The following SLC44A5 variants were observed in gnomAD, a reference collection of about 807,000 sequenced individuals.
SLC44A5 encodes the protein solute carrier family 44 member 5.
In SLC44A5, 57 loss-of-function variants were observed where a neutral mutation model predicts 101.8. That is an observed-to-expected ratio of 0.56 (90% CI 0.45 to 0.70). The LOEUF is 0.70. Among genes scored for constraint, SLC44A5 ranks in the 30% least tolerant of loss-of-function variants. The probability of loss-of-function intolerance (pLI) is 0.00; values close to 1 mark genes in which losing one functional copy is unlikely to be tolerated. For missense variants in SLC44A5, 737 were observed against 853.1 expected, an observed-to-expected ratio of 0.86 and a Z score of 1.70; for synonymous variants, 281 against 290.9, an observed-to-expected ratio of 0.97 and a Z score of 0.35.
chr1:75,457,020 G>A (rs1036211342), intron 2 of SLC44A5, among the ~76,000 whole-genome samples: 2 of 152,150 alleles, frequency 1.3e-5, no homozygotes, highest in African/African-American at 4.8e-5. Context: ...AAGCCCATGA[G>A]GAAGCACAGA....
At chr1:75,528,886 G>C (rs1254883404) in intron 2 of SLC44A5, among the ~76,000 whole-genome samples, 1 of 151,904 alleles carries the variant, frequency 6.6e-6, no homozygotes, top group African/African-American at 2.4e-5. Context: ...AACTCCTCTT[G>C]GTCTGTCTAT....
At chr1:75,587,608 T>A (rs431959) in intron 1 of SLC44A5, among the ~76,000 whole-genome samples, 145,592 of 152,330 alleles carry the variant, frequency 0.96, 69,607 homozygotes, top group East Asian at 0.97. Context: ...ATAAATTTTT[T>A]TGATTTTCTT....
At chr1:75,445,531 TACGTA>T (rs1203279860) in intron 2 of SLC44A5, among the ~76,000 whole-genome samples, 1 of 148,118 alleles carries the variant, frequency 6.8e-6, no homozygotes, top group African/African-American at 2.5e-5. Context: ...ATGTATATAT[TACGTA>T]ATATATACAT....
intron 3 of SLC44A5, among the ~76,000 whole-genome samples, chr1:75,385,392 C>A (rs1481871087): frequency 4.6e-5 from 7 of 151,906 alleles, no homozygotes; most frequent in Admixed American, 3.3e-4. Context: ...ACCAATCCCA[C>A]AGAAATACAA....
At chr1:75,398,041 G>A (rs1662235075) in intron 2 of SLC44A5, among the ~76,000 whole-genome samples, 1 of 152,110 alleles carries the variant, frequency 6.6e-6, no homozygotes, top group African/African-American at 2.4e-5. Context: ...TCTTAAAATA[G>A]TATGTACGTG....
At chr1:75,327,124 A>G (rs1408916791) in intron 4 of SLC44A5, among the ~76,000 whole-genome samples, 1 of 151,608 alleles carries the variant, frequency 6.6e-6, no homozygotes, top group South Asian at 2.1e-4. Context: ...GCATCCTATG[A>G]TGAATAAACA....
At chr1:75,481,683 T>G (rs1352779218) in intron 2 of SLC44A5, among the ~76,000 whole-genome samples, 2 of 151,980 alleles carry the variant, frequency 1.3e-5, no homozygotes, top group Admixed American at 1.3e-4. Flanking sequence ...ATCAGAGAAA[T>G]GCAAATCAAA....
At chr1:75,723,424 A>G in the SLC44A5 span, among the ~76,000 whole-genome samples, 1 of 152,092 alleles carries the variant, frequency 6.6e-6, no homozygotes, top group Non-Finnish European at 1.5e-5. Context: ...ACAAGGGGGT[A>G]GCTTGCTTGG....
At chr1:75,489,516 G>A (rs1668325416) in intron 2 of SLC44A5, among the ~76,000 whole-genome samples, 1 of 152,176 alleles carries the variant, frequency 6.6e-6, no homozygotes, top group African/African-American at 2.4e-5. Context: ...TTTAAGACAG[G>A]AAATTTTCAG....
chr1:75,298,706 C>T (rs936788460), intron 5 of SLC44A5, among the ~76,000 whole-genome samples: 3 of 151,964 alleles, frequency 2.0e-5, no homozygotes, highest in African/African-American at 7.3e-5. Flanking sequence ...TGTGAAGTTC[C>T]TGTGTGCAGT....
the SLC44A5 span, among the ~76,000 whole-genome samples, chr1:75,648,524 G>T: frequency 2.0e-5 from 3 of 152,064 alleles, no homozygotes; most frequent in Admixed American, 1.3e-4. Context: ...GTATAGGGCA[G>T]GACACTTGGC....
intron 6 of SLC44A5, among the ~76,000 whole-genome samples, chr1:75,271,659 T>C (rs1042588071): frequency 6.6e-6 from 1 of 152,136 alleles, no homozygotes; most frequent in Non-Finnish European, 1.5e-5. Flanking sequence ...TTCCTTTTTA[T>C]GGCTGAGTAG....
the SLC44A5 span, among the ~76,000 whole-genome samples, chr1:75,633,643 A>G: frequency 6.6e-6 from 1 of 151,960 alleles, no homozygotes; most frequent in South Asian, 2.1e-4. Context: ...GGTTTTCTAG[A>G]TATACAATCA....
chr1:75,683,559 GA>G, the SLC44A5 span, among the ~76,000 whole-genome samples: 3 of 151,986 alleles, frequency 2.0e-5, no homozygotes, highest in African/African-American at 7.2e-5. Flanking sequence ...TGAAAAATGA[GA>G]TCACATGGAA....
chr1:75,396,846 G>A (rs1303883099), intron 2 of SLC44A5, among the ~76,000 whole-genome samples: 1 of 152,058 alleles, frequency 6.6e-6, no homozygotes, highest in Non-Finnish European at 1.5e-5. Flanking sequence ...AGGTGCTGGA[G>A]GTAAGAGGTT....
At chr1:75,592,075 G>T (rs1253616469) in intron 1 of SLC44A5, among the ~76,000 whole-genome samples, 1 of 152,072 alleles carries the variant, frequency 6.6e-6, no homozygotes, top group African/African-American at 2.4e-5. Flanking sequence ...AAATTGGAAA[G>T]GAAGAAGTCA....
intron 2 of SLC44A5, among the ~76,000 whole-genome samples, chr1:75,414,929 T>C (rs752809144): frequency 3.9e-5 from 6 of 152,192 alleles, no homozygotes; most frequent in Admixed American, 1.3e-4. Context: ...TGGGAAGCCA[T>C]TGAAGAGTTC....
intron 3 of SLC44A5, among the ~76,000 whole-genome samples, chr1:75,371,651 A>G (rs1660230436): frequency 6.6e-6 from 1 of 152,240 alleles, no homozygotes; most frequent in South Asian, 2.1e-4. Flanking sequence ...TGAAAGAGAC[A>G]GAGAGTCTAA....
At chr1:75,445,958 T>TTGTACC (rs1665549309) in intron 2 of SLC44A5, among the ~76,000 whole-genome samples, 2 of 152,300 alleles carry the variant, frequency 1.3e-5, no homozygotes, top group South Asian at 4.1e-4. Context: ...TCTGTTTCTC[T>TTGTACC]TGTACCTCAC....
Sources: allele counts gnomAD v4.1 joint callset (sites outside exome capture counted in the v4.1 genomes callset), GRCh38; gene constraint gnomAD v4.1.1; transcripts MANE v1.5; gene names NCBI Gene and HGNC (gene_info 2026-07-23, HGNC 2026-07-21).